The following PYM1 variants were observed in gnomAD, a reference collection of about 807,000 sequenced individuals.
The protein encoded by PYM1 is partner of Y14 and mago.
PYM1 carries 7 observed loss-of-function variants against 20.7 expected under a neutral mutation model. That is an observed-to-expected ratio of 0.34 (90% CI 0.19 to 0.64). The LOEUF is 0.64. PYM1 is among the 30% of genes least tolerant of loss of function. The pLI is 0.74. For synonymous variants in PYM1, 100 were observed against 99.2 expected (o/e 1.01, Z -0.05); for missense variants, 194 against 250.0 (o/e 0.78, Z 1.51).
At chr12:55,921,001 A>G (rs975859614) in intron 1 of PYM1, among the ~76,000 whole-genome samples, 2 of 152,246 alleles carry the variant, frequency 1.3e-5, no homozygotes, top group Non-Finnish European at 2.9e-5. Context: ...CAAAAATTAC[A>G]TAACTAAATT....
chr12:55,903,556 T>C (rs1882732432), intron 1 of PYM1, 76 bp from the exon 2 acceptor site: 5 of 1,406,962 alleles, frequency 3.6e-6, no homozygotes, highest in Middle Eastern at 1.8e-4. Context: ...AATGTATAAA[T>C]GTACATACCA....
chr12:55,905,935 TAGATATATATATTATTATATATATCTAA>T (rs2136258423), intron 1 of PYM1, among the ~76,000 whole-genome samples: 1 of 122,794 alleles, frequency 8.1e-6, no homozygotes, highest in African/African-American at 3.5e-5. Flanking sequence ...ATATATCTAA[TAGATATATATATTATTATATATATCTAA>T]TAGATATATA....
chr12:55,927,398 G>C (rs777198150), intron 1 of PYM1: 1 of 713,940 alleles, frequency 1.4e-6, no homozygotes, highest in East Asian at 2.7e-5. Context: ...CTCATCCCCA[G>C]GAACTCCTCG....
intron 1 of PYM1, among the ~76,000 whole-genome samples, chr12:55,910,405 C>T (rs1592637368): frequency 6.6e-6 from 1 of 152,052 alleles, no homozygotes; most frequent in South Asian, 2.1e-4. Flanking sequence ...CTCAGCCTGC[C>T]GAGTAGCTGG....
chr12:55,913,233 A>T (rs1000989935), intron 1 of PYM1, among the ~76,000 whole-genome samples: 5 of 152,222 alleles, frequency 3.3e-5, no homozygotes, highest in African/African-American at 1.2e-4. Context: ...TCTAATGCTT[A>T]ACATAATTAT....
chr12:55,916,957 C>T (rs1305001405), intron 1 of PYM1, among the ~76,000 whole-genome samples: 1 of 150,582 alleles, frequency 6.6e-6, no homozygotes, highest in Non-Finnish European at 1.5e-5. Context: ...CAAAAATTAG[C>T]TGGGCATGGT....
intron 1 of PYM1, among the ~76,000 whole-genome samples, chr12:55,920,502 G>C (rs1467609206): frequency 6.6e-6 from 1 of 151,822 alleles, no homozygotes; most frequent in Admixed American, 6.6e-5. Context: ...CCTGGGAGTG[G>C]GGGTGCATGC....
intron 1 of PYM1, chr12:55,927,450 T>C: frequency 1.4e-6 from 1 of 698,300 alleles, no homozygotes; most frequent in South Asian, 1.5e-5. Context: ...AAGGCCCACC[T>C]GCACCCAAAA....
intron 1 of PYM1, among the ~76,000 whole-genome samples, chr12:55,921,483 A>T (rs1883096656): frequency 1.3e-5 from 2 of 152,122 alleles, no homozygotes; most frequent in African/African-American, 4.8e-5. Context: ...GAGAGAAGTA[A>T]AAGATGATAA....
chr12:55,907,664 C>T (rs1489338968), intron 1 of PYM1, among the ~76,000 whole-genome samples: 5 of 146,286 alleles, frequency 3.4e-5, no homozygotes, highest in East Asian at 2.0e-4. Context: ...GGAGGCCAGG[C>T]GCAGTGGTGC....
chr12:55,906,633 CTATTT>C (rs1205847088), intron 1 of PYM1, among the ~76,000 whole-genome samples: 2 of 151,960 alleles, frequency 1.3e-5, no homozygotes, highest in East Asian at 1.9e-4. Flanking sequence ...GAGTATGGTA[CTATTT>C]TATTTTATTT....
chr12:55,912,723 GGGAGGC>G (rs1882946391), intron 1 of PYM1, among the ~76,000 whole-genome samples: 2 of 152,138 alleles, frequency 1.3e-5, no homozygotes, highest in South Asian at 4.1e-4. Flanking sequence ...CCAGCACTTT[GGGAGGC>G]GGAGGCGGGT....
intron 1 of PYM1, among the ~76,000 whole-genome samples, chr12:55,917,314 G>A (rs1304117183): frequency 6.6e-6 from 1 of 151,712 alleles, no homozygotes; most frequent in Non-Finnish European, 1.5e-5. Context: ...TCAGCTACTT[G>A]GGAGGCTGAG....
At chr12:55,909,392 G>A (rs1470823208) in intron 1 of PYM1, among the ~76,000 whole-genome samples, 3 of 152,128 alleles carry the variant, frequency 2.0e-5, no homozygotes, top group Non-Finnish European at 4.4e-5. Flanking sequence ...GACAAGGGCT[G>A]GAATGTTCAG....
intron 1 of PYM1, among the ~76,000 whole-genome samples, chr12:55,915,947 T>A (rs1681071): frequency 0.038 from 5,845 of 152,312 alleles, 383 homozygotes; most frequent in African/African-American, 0.13. Context: ...GTAGCTACAT[T>A]ACAGGAGGAA....
intron 1 of PYM1, among the ~76,000 whole-genome samples, chr12:55,915,773 TAA>T (rs1474267994): frequency 1.3e-5 from 2 of 152,040 alleles, no homozygotes; most frequent in African/African-American, 2.4e-5. Context: ...CATTTGACAC[TAA>T]AGACTAGAAA....
chr12:55,926,947 TG>T, intron 1 of PYM1: 2 of 972,318 alleles, frequency 2.1e-6, no homozygotes, highest in Non-Finnish European at 3.0e-6. Flanking sequence ...AGAGAATGAA[TG>T]GGGAAGGCGG....
chr12:55,915,213 T>TTAA (rs1224477846), intron 1 of PYM1, among the ~76,000 whole-genome samples: 2 of 48,972 alleles, frequency 4.1e-5, no homozygotes, highest in African/African-American at 2.0e-4. Context: ...AGACTCTGCC[T>TTAA]AAAAAAAAAA....
chr12:55,902,634 C>G (rs1404055653), intron 2 of PYM1, among the ~76,000 whole-genome samples: 1 of 151,942 alleles, frequency 6.6e-6, no homozygotes, highest in East Asian at 1.9e-4. Flanking sequence ...CCTGCCACCA[C>G]GCCTGGCTAA....
Sources: allele counts gnomAD v4.1 joint callset (sites outside exome capture counted in the v4.1 genomes callset), GRCh38; gene constraint gnomAD v4.1.1; transcripts MANE v1.5; gene names NCBI Gene and HGNC (gene_info 2026-07-23, HGNC 2026-07-21).